PRKN: variants seen among roughly 807,000 people sequenced by gnomAD.
PRKN encodes parkin RBR E3 ubiquitin protein ligase.
Under a neutral mutation model 59.5 loss-of-function variants are expected in PRKN, and 56 were observed. That is an observed-to-expected ratio of 0.94 (90% CI 0.76 to 1.18). The LOEUF is 1.18. Among genes scored for constraint, PRKN ranks in the 50% most tolerant of loss-of-function variants. The pLI is 0.00. For missense variants in PRKN, 657 were observed against 596.4 expected (o/e 1.10, Z -1.06); for synonymous variants, 250 against 222.1 (o/e 1.13, Z -1.12).
rs773808954 is a variant in PRKN, at chr6:161,361,035, T to A, written c.1168-830A>T. On this transcript the variant is annotated intron_variant, in intron 10 of 11. Transcript: ENST00000366898. This position sits in a 1 kb window ranked among gnomAD's most constrained non-coding sequence, Gnocchi z 5.2. ...ATTATTCATGTCACCGAGAGCTGGG[T>A]GCTGCCTGCACCATCATGTATAAGG... Among the ~76,000 whole-genome samples, 21 of 151,128 alleles carry A rather than the reference T, an allele frequency of 1.4e-4. No individual in the cohort carries two copies. Among genetic ancestry groups the A allele is most frequent in the Non-Finnish European group, 2.1e-4 (14 of 67,716 alleles).
chr6:162,252,570 C>T lies in PRKN; in HGVS notation c.412+9955G>A, dbSNP rs1779478884. ...TGATTAGGTCATGAGTATGGAGCCA[C>T]CGTGAATGGGATACGTGCTCTTACA... On this transcript the variant is annotated intron_variant, in intron 3 of 11. Coordinates refer to ENST00000366898, the MANE Select transcript of PRKN (RefSeq NM_004562.3). 2.0e-5 allele frequency among the ~76,000 whole-genome samples: 3 copies of T among 152,188 alleles called. No individual in the cohort carries two copies. In the South Asian group the frequency reaches 6.2e-4, roughly 31 times the overall value.
At chr6:161,670,992 C>T (rs1346951089) in intron 7 of PRKN, among the ~76,000 whole-genome samples, 4 of 152,046 alleles carry the variant, frequency 2.6e-5, no homozygotes, top group African/African-American at 4.8e-5. Flanking sequence ...GGACATAATT[C>T]GACCCATAAC....
chr6:161,590,459 G>A (rs1044849798), intron 7 of PRKN, among the ~76,000 whole-genome samples: 12 of 152,206 alleles, frequency 7.9e-5, no homozygotes, highest in South Asian at 4.1e-4. Flanking sequence ...TTAGCTGGGC[G>A]TGGTGGCGCA....
intron 2 of PRKN, among the ~76,000 whole-genome samples, chr6:162,374,115 G>A (rs1306666366): frequency 6.6e-6 from 1 of 152,184 alleles, no homozygotes; most frequent in East Asian, 1.9e-4. Flanking sequence ...TACGCAAGGA[G>A]GCAGCTTAGG....
intron 1 of PRKN, among the ~76,000 whole-genome samples, chr6:162,672,713 T>C (rs986310606): frequency 6.6e-6 from 1 of 151,748 alleles, no homozygotes; most frequent in Non-Finnish European, 1.5e-5. Context: ...TGTGTGTGTG[T>C]GTGTGTATGC....
intron 4 of PRKN, among the ~76,000 whole-genome samples, chr6:162,181,968 G>A (rs1207847195): frequency 2.6e-5 from 4 of 152,176 alleles, no homozygotes; most frequent in Non-Finnish European, 5.9e-5. Flanking sequence ...GTCAGATATT[G>A]TACTGACTCA....
intron 5 of PRKN, among the ~76,000 whole-genome samples, chr6:162,000,180 C>T (rs890434356): frequency 2.0e-5 from 3 of 152,028 alleles, no homozygotes; most frequent in Non-Finnish European, 4.4e-5. Flanking sequence ...ATTGCTGGAT[C>T]GTATGGTAAG....
chr6:161,437,114 A>G (rs1372974504), intron 9 of PRKN, among the ~76,000 whole-genome samples: 1 of 152,176 alleles, frequency 6.6e-6, no homozygotes, highest in Admixed American at 6.5e-5. Context: ...AGCTTAACTT[A>G]TAAATTAAGC....
At chr6:162,267,724 A>C in intron 2 of PRKN, among the ~76,000 whole-genome samples, 1 of 152,116 alleles carries the variant, frequency 6.6e-6, no homozygotes, top group South Asian at 2.1e-4. Context: ...CCCATGGGAG[A>C]CTGAGGGATC....
At chr6:162,521,903 A>T (rs1778092263) in intron 1 of PRKN, among the ~76,000 whole-genome samples, 1 of 152,150 alleles carries the variant, frequency 6.6e-6, no homozygotes, top group Non-Finnish European at 1.5e-5. Context: ...TTAATTTAAC[A>T]TCTTTATTTT....
intron 7 of PRKN, among the ~76,000 whole-genome samples, chr6:161,710,927 C>CCCTT (rs112997197): frequency 0.53 from 73,508 of 139,278 alleles, 20,365 homozygotes; most frequent in African/African-American, 0.68. Flanking sequence ...CCTTCCTCAC[C>CCCTT]CCTTCCTTCC....
At chr6:161,370,874 C>T (rs2114894875) in intron 10 of PRKN, among the ~76,000 whole-genome samples, 1 of 152,320 alleles carries the variant, frequency 6.6e-6, no homozygotes, top group African/African-American at 2.4e-5. Flanking sequence ...TAAATGTCAG[C>T]TTTCTCATCA....
rs533928569 is a variant in PRKN at position 161,795,881 on chromosome 6, T to G, written c.735-9973A>C. Among the ~76,000 whole-genome samples the G allele has an allele frequency of 4.6e-5, 7 of 152,264 alleles. No individual in the cohort carries two copies. In the East Asian group the frequency reaches 1.2e-3, roughly 25 times the overall value. ...GAAAACACTTCAGATGGAGTAAAAT[T>G]AGGTAAGATCAGGGAACCATGCTGT... is the stretch of plus-strand genomic sequence containing the variant. On this transcript the variant is annotated intron_variant, in intron 6 of 11. Transcript: ENST00000366898.
intron 7 of PRKN, among the ~76,000 whole-genome samples, chr6:161,659,962 G>A (rs1784485461): frequency 6.6e-6 from 1 of 152,140 alleles, no homozygotes; most frequent in African/African-American, 2.4e-5. Flanking sequence ...AGGGGTACTG[G>A]TTATAATAAC....
At chr6:162,293,464 C>T (rs759360018) in intron 2 of PRKN, among the ~76,000 whole-genome samples, 9 of 152,170 alleles carry the variant, frequency 5.9e-5, no homozygotes, top group East Asian at 1.9e-4. Flanking sequence ...GCTGAGTTCT[C>T]GGACCACTCA....
rs1322731884 is a variant in PRKN, at chr6:161,488,831, G to C, written c.1083+60023C>G. 6.6e-6 allele frequency among the ~76,000 whole-genome samples: 1 copy of C among 152,052 alleles called. No individual in the cohort carries two copies. The highest frequency in any genetic ancestry group is 2.4e-5 in the African/African-American group (1 of 41,406). ...GAATCTTGACTACTAAGAGACTAGG[G>C]GACCATGAAAGAAAACAGTACATTA... On this transcript the variant is annotated intron_variant, in intron 9 of 11. Transcript: ENST00000366898. This position sits in a 1 kb window ranked among gnomAD's most constrained non-coding sequence, Gnocchi z 4.5.
chr6:162,503,247 C>T lies in PRKN; in HGVS notation c.8-59774G>A, dbSNP rs192387474. Among the ~76,000 whole-genome samples, 687 of 148,430 alleles carry T rather than the reference C, an allele frequency of 4.6e-3. 6 individuals are homozygous for T. Among genetic ancestry groups the T allele is most frequent in the African/African-American group, 0.016 (640 of 40,456 alleles). On this transcript the variant is annotated intron_variant, in intron 1 of 11. Coordinates refer to ENST00000366898, the MANE Select transcript of PRKN (RefSeq NM_004562.3). ...GCATGATCTCGGCTCACTGCAACCT[C>T]TGCCTCCCGGGTTCAAGCAATTCTC...
chr6:162,201,141 G>A lies in PRKN; in HGVS notation c.524C>T (p.Thr175Ile), dbSNP rs777942244. 4 of 1,614,110 alleles carry A rather than the reference G, an allele frequency of 2.5e-6. No homozygotes were observed. The highest frequency in any genetic ancestry group is 2.5e-6 in the Non-Finnish European group (3 of 1,180,010). ...QCSTCRQATL[T>I]LTQGPSCWDD... ...ACTGCATTTCCTTACCTGGGTCAAG[G>A]TGAGCGTTGCCTGCCTGCAGGTGCT... is the stretch of plus-strand genomic sequence containing the variant. The change falls in exon 4 of 12, where the codon ACC (threonine) becomes ATC (isoleucine). Residue 175 changes from threonine (T) to isoleucine (I), a missense_variant. Coordinates refer to ENST00000366898, the MANE Select transcript of PRKN (RefSeq NM_004562.3).
chr6:162,190,355 T>TA (rs1180916718), intron 4 of PRKN, among the ~76,000 whole-genome samples: 11 of 152,306 alleles, frequency 7.2e-5, no homozygotes, highest in African/African-American at 2.4e-4. Context: ...AATCCCCACT[T>TA]TAGAAAACAG....
Sources: allele counts gnomAD v4.1 joint callset (sites outside exome capture counted in the v4.1 genomes callset), GRCh38; gene constraint gnomAD v4.1.1; non-coding constraint Gnocchi (gnomAD v3.1); transcripts MANE v1.5; gene names NCBI Gene and HGNC (gene_info 2026-07-23, HGNC 2026-07-21).